STK39: variants seen among roughly 807,000 people sequenced by gnomAD.
STK39 encodes the protein STE20/SPS1-related proline-alanine-rich protein kinase.
STK39 carries 20 observed loss-of-function variants against 77.8 expected under a neutral mutation model. The ratio of observed to expected loss-of-function variants is 0.26; its 90% CI spans 0.18 to 0.37. The LOEUF (loss-of-function observed/expected upper bound fraction) is 0.37, where lower values mean the gene tolerates loss of function less well. Among genes scored for constraint, STK39 ranks in the 10% least tolerant of loss-of-function variants. STK39 has a pLI of 1.00. For synonymous variants in STK39, 246 were observed against 234.1 expected (o/e 1.05, Z -0.47); for missense variants, 479 against 656.5 (o/e 0.73, Z 2.95).
chr2:168,244,825 G>C (rs1326749705), intron 1 of STK39, among the ~76,000 whole-genome samples: 7 of 152,178 alleles, frequency 4.6e-5, no homozygotes, highest in Non-Finnish European at 1.0e-4. Flanking sequence ...ATGCGCAAAA[G>C]TCAGGGTAGA....
At chr2:168,172,329 C>A (rs534615665) in intron 2 of STK39, among the ~76,000 whole-genome samples, 1 of 152,310 alleles carries the variant, frequency 6.6e-6, no homozygotes, top group East Asian at 1.9e-4. Context: ...CAGGACACAT[C>A]TGTTGGCCCC....
At chr2:168,214,427 C>T (rs923869911) in intron 1 of STK39, among the ~76,000 whole-genome samples, 1 of 151,926 alleles carries the variant, frequency 6.6e-6, no homozygotes, top group Non-Finnish European at 1.5e-5. Context: ...CTGTTTAATT[C>T]CATTTGTATT....
chr2:167,983,891 GGGA>G (rs1247569669), intron 16 of STK39, among the ~76,000 whole-genome samples: 1 of 152,164 alleles, frequency 6.6e-6, no homozygotes, highest in Non-Finnish European at 1.5e-5. Context: ...AACTCTCCAA[GGGA>G]GGTAGGCAGT....
At chr2:167,957,802 C>T (rs1574343586) in intron 17 of STK39, among the ~76,000 whole-genome samples, 1 of 152,200 alleles carries the variant, frequency 6.6e-6, no homozygotes, top group Non-Finnish European at 1.5e-5. Flanking sequence ...ATATTAAATC[C>T]TTTCTTGTGA....
At chr2:168,221,537 T>C (rs979036198) in intron 1 of STK39, among the ~76,000 whole-genome samples, 2 of 152,188 alleles carry the variant, frequency 1.3e-5, no homozygotes, top group Admixed American at 6.5e-5. Flanking sequence ...ACAGAATAGA[T>C]GGCTGGAATT....
At chr2:168,240,036 A>G (rs974333004) in intron 1 of STK39, among the ~76,000 whole-genome samples, 2 of 152,244 alleles carry the variant, frequency 1.3e-5, no homozygotes, top group African/African-American at 2.4e-5. Flanking sequence ...TTATACTTCA[A>G]TAAGGGCAAT....
chr2:168,101,175 G>A (rs895305175), intron 10 of STK39, among the ~76,000 whole-genome samples: 3 of 152,102 alleles, frequency 2.0e-5, no homozygotes, highest in Non-Finnish European at 2.9e-5. Flanking sequence ...CTTGGACACA[G>A]GGAGGGGAAC....
At chr2:168,062,647 C>A (rs1253533305) in intron 14 of STK39, among the ~76,000 whole-genome samples, 3 of 152,168 alleles carry the variant, frequency 2.0e-5, no homozygotes, top group Non-Finnish European at 4.4e-5. Context: ...TTTGTAGCTA[C>A]AACTCTGAAA....
intron 5 of STK39, among the ~76,000 whole-genome samples, chr2:168,152,452 C>T (rs1157220438): frequency 6.6e-6 from 1 of 152,170 alleles, no homozygotes; most frequent in Non-Finnish European, 1.5e-5. Flanking sequence ...AACATCTTGT[C>T]AATCTTCCTT....
chr2:168,151,580 C>CA (rs1261127057), intron 5 of STK39, among the ~76,000 whole-genome samples: 3 of 151,736 alleles, frequency 2.0e-5, no homozygotes, highest in Non-Finnish European at 4.4e-5. Flanking sequence ...ACTAAAAACA[C>CA]AAAAAATTAG....
At chr2:168,023,186 G>C (rs1405253470) in intron 14 of STK39, among the ~76,000 whole-genome samples, 1 of 151,868 alleles carries the variant, frequency 6.6e-6, no homozygotes, top group Non-Finnish European at 1.5e-5. Context: ...AAAGTGCTGG[G>C]ATTACAGGTG....
At chr2:168,218,358 G>T (rs144135602) in intron 1 of STK39, among the ~76,000 whole-genome samples, 32 of 152,290 alleles carry the variant, frequency 2.1e-4, no homozygotes, top group African/African-American at 5.3e-4. Context: ...GTTCACTTTC[G>T]CAGTGTTCAA....
At chr2:168,222,873 T>C (rs765419837) in intron 1 of STK39, among the ~76,000 whole-genome samples, 4 of 152,170 alleles carry the variant, frequency 2.6e-5, no homozygotes, top group Non-Finnish European at 4.4e-5. Flanking sequence ...TACCTGTCCA[T>C]TGGGTTGTTG....
chr2:167,993,823 T>C (rs191227532), intron 16 of STK39, among the ~76,000 whole-genome samples: 3 of 152,024 alleles, frequency 2.0e-5, no homozygotes, highest in Admixed American at 2.0e-4. Context: ...CTGGTAGGCA[T>C]TGACTGCATT....
chr2:168,137,489 A>G (rs561758735), intron 8 of STK39, among the ~76,000 whole-genome samples: 13 of 152,230 alleles, frequency 8.5e-5, no homozygotes, highest in Non-Finnish European at 1.5e-4. Flanking sequence ...GAAAACAGAC[A>G]CACTACAGTG....
At chr2:167,987,168 C>A (rs895667950) in intron 16 of STK39, among the ~76,000 whole-genome samples, 1 of 152,182 alleles carries the variant, frequency 6.6e-6, no homozygotes, top group African/African-American at 2.4e-5. Context: ...GTTCAAAAGA[C>A]TGGGCACGAG....
intron 10 of STK39, among the ~76,000 whole-genome samples, chr2:168,128,599 A>C (rs901673995): frequency 1.7e-4 from 26 of 152,244 alleles, no homozygotes; most frequent in Non-Finnish European, 3.1e-4. Context: ...GACATTTCTT[A>C]AAGTCCACTT....
intron 8 of STK39, among the ~76,000 whole-genome samples, chr2:168,131,440 T>C (rs1305388824): frequency 1.3e-5 from 2 of 152,148 alleles, no homozygotes; most frequent in Non-Finnish European, 2.9e-5. Flanking sequence ...AATTGGAAAC[T>C]GCTGCTTTGG....
At chr2:168,089,683 G>A (rs916455141) in intron 10 of STK39, among the ~76,000 whole-genome samples, 3 of 152,100 alleles carry the variant, frequency 2.0e-5, no homozygotes, top group Non-Finnish European at 2.9e-5. Flanking sequence ...GCGCAATCTC[G>A]GCTCACCACA....
Sources: allele counts gnomAD v4.1 joint callset (sites outside exome capture counted in the v4.1 genomes callset), GRCh38; gene constraint gnomAD v4.1.1; transcripts MANE v1.5; gene names NCBI Gene and HGNC (gene_info 2026-07-23, HGNC 2026-07-21).